Variants in PDE4D observed in about 807,000 individuals in gnomAD.
The protein encoded by PDE4D is 3',5'-cyclic-AMP phosphodiesterase 4D.
Under a neutral mutation model 87.4 loss-of-function variants are expected in PDE4D, and 24 were observed. The ratio of observed to expected loss-of-function variants is 0.27; its 90% CI spans 0.20 to 0.39. PDE4D has a LOEUF of 0.39. Among genes scored for constraint, PDE4D ranks in the 10% least tolerant of loss-of-function variants. PDE4D has a pLI of 1.00. For synonymous variants in PDE4D, 384 were observed against 383.2 expected (o/e 1.00, Z -0.02); for missense variants, 714 against 1,041.0 (o/e 0.69, Z 4.32).
At chr5:60,133,004 G>T (rs916564315) in intron 2 of PDE4D, among the ~76,000 whole-genome samples, 1 of 152,146 alleles carries the variant, frequency 6.6e-6, no homozygotes, top group African/African-American at 2.4e-5. Context: ...GTAGTCCATT[G>T]CCTCTCTCTT....
chr5:59,946,695 C>T (rs2963806), intron 3 of PDE4D, among the ~76,000 whole-genome samples: 5,707 of 152,164 alleles, frequency 0.038, 319 homozygotes, highest in East Asian at 0.13. Context: ...GTTTTCAGAC[C>T]CAGGCCTTCA....
At chr5:60,372,338 C>A (rs1307386401) in intron 1 of PDE4D, among the ~76,000 whole-genome samples, 2 of 152,210 alleles carry the variant, frequency 1.3e-5, no homozygotes, top group Non-Finnish European at 2.9e-5. Flanking sequence ...AGGAAAGAAG[C>A]AAGGGTCTGT....
intron 1 of PDE4D, among the ~76,000 whole-genome samples, chr5:59,291,745 T>TG (rs1289797009): frequency 3.4e-5 from 5 of 146,820 alleles, no homozygotes; most frequent in Non-Finnish European, 7.7e-5. Context: ...GAAGTTTTTT[T>TG]TTTTTTTTTT....
chr5:60,309,695 A>G (rs1754830865), intron 1 of PDE4D, among the ~76,000 whole-genome samples: 1 of 152,174 alleles, frequency 6.6e-6, no homozygotes, highest in Admixed American at 6.5e-5. Flanking sequence ...TCCTCACTGG[A>G]TCTACAGATG....
intron 1 of PDE4D, among the ~76,000 whole-genome samples, chr5:59,308,071 T>A (rs1262582503): frequency 6.6e-6 from 1 of 151,986 alleles, no homozygotes; most frequent in Non-Finnish European, 1.5e-5. Context: ...GGGACATGGA[T>A]GAAATTGGAA....
intron 2 of PDE4D, among the ~76,000 whole-genome samples, chr5:60,156,327 T>C (rs1781975649): frequency 6.6e-6 from 1 of 152,226 alleles, no homozygotes; most frequent in Non-Finnish European, 1.5e-5. Flanking sequence ...TATCTGGTTA[T>C]TAAATCCAAG....
At chr5:59,292,477 T>C (rs1477958884) in intron 1 of PDE4D, among the ~76,000 whole-genome samples, 1 of 152,056 alleles carries the variant, frequency 6.6e-6, no homozygotes, top group Non-Finnish European at 1.5e-5. Flanking sequence ...CTGGGAAGGG[T>C]CTTTATAATT....
At position 60,441,827 on chromosome 5, in the gene PDE4D, C is replaced by T. The variant is rs140867277; in HGVS notation, c.-90+46115G>A. On this transcript the variant is annotated intron_variant, in intron 1 of 16. Coordinates refer to the PDE4D transcript ENST00000502484. ...AGAAGACATTTATGCCCCCTGCAAA[C>T]GTATGAAAAAAAAGCTCATCATCAC... is the stretch of plus-strand genomic sequence containing the variant. 4.9e-4 allele frequency among the ~76,000 whole-genome samples: 75 copies of T among 151,998 alleles called. No homozygotes were observed. In the East Asian group the frequency reaches 0.012, roughly 24 times the overall value.
chr5:60,162,619 G>T (rs1370522301), intron 2 of PDE4D, among the ~76,000 whole-genome samples: 1 of 152,108 alleles, frequency 6.6e-6, no homozygotes, highest in Non-Finnish European at 1.5e-5. Context: ...TGGGGAGCTT[G>T]TTTAACTGTG....
intron 2 of PDE4D, among the ~76,000 whole-genome samples, chr5:60,044,935 G>A (rs892361379): frequency 7.9e-5 from 12 of 152,062 alleles, no homozygotes; most frequent in Non-Finnish European, 1.6e-4. Context: ...CTGAGGAATC[G>A]CCACACTGAC....
At chr5:58,983,601 G>A (rs1486081892) in intron 11 of PDE4D, among the ~76,000 whole-genome samples, 8 of 151,982 alleles carry the variant, frequency 5.3e-5, no homozygotes, top group Non-Finnish European at 1.2e-4. Flanking sequence ...GATGATGGCA[G>A]GGTCTTGCTC....
chr5:59,792,951 A>G (rs1029819645), intron 1 of PDE4D, among the ~76,000 whole-genome samples: 1 of 152,332 alleles, frequency 6.6e-6, no homozygotes, highest in Admixed American at 6.5e-5. Context: ...GGCAGAAAGA[A>G]TGATCATGAC....
chr5:59,510,967 T>G (rs1810189933), intron 1 of PDE4D, among the ~76,000 whole-genome samples: 1 of 151,942 alleles, frequency 6.6e-6, no homozygotes. Context: ...AAAATAGAAT[T>G]TGACTCATTT....
chr5:59,244,526 GTCTC>G (rs370073389), intron 1 of PDE4D, among the ~76,000 whole-genome samples: 10 of 149,314 alleles, frequency 6.7e-5, no homozygotes, highest in South Asian at 2.1e-4. Flanking sequence ...TATCAGGTAG[GTCTC>G]TCTCTCTATA....
intron 1 of PDE4D, among the ~76,000 whole-genome samples, chr5:60,333,895 T>C (rs765555333): frequency 6.7e-6 from 1 of 149,924 alleles, no homozygotes; most frequent in Non-Finnish European, 1.5e-5. Flanking sequence ...AGAGAAAAAA[T>C]ACGGAAATAC....
chr5:60,163,836 T>C (rs1313456558), intron 2 of PDE4D, among the ~76,000 whole-genome samples: 1 of 152,162 alleles, frequency 6.6e-6, no homozygotes, highest in Non-Finnish European at 1.5e-5. Flanking sequence ...AATATTGGCT[T>C]TGAATACAAA....
At chr5:60,128,714 T>C (rs1475947465) in intron 2 of PDE4D, among the ~76,000 whole-genome samples, 3 of 152,216 alleles carry the variant, frequency 2.0e-5, no homozygotes, top group Non-Finnish European at 4.4e-5. Flanking sequence ...CTCTAACTGA[T>C]ACACTGAAGC....
chr5:60,415,535 G>A (rs1742431818), intron 1 of PDE4D, among the ~76,000 whole-genome samples: 3 of 152,228 alleles, frequency 2.0e-5, no homozygotes, highest in African/African-American at 7.2e-5. Context: ...TGGGCTTGGT[G>A]GGCCCGCACT....
intron 1 of PDE4D, among the ~76,000 whole-genome samples, chr5:59,736,540 A>G (rs1758092736): frequency 6.6e-6 from 1 of 152,000 alleles, no homozygotes; most frequent in Non-Finnish European, 1.5e-5. Flanking sequence ...CTAGCCGGGC[A>G]TGGTGGTGCA....
Sources: gnomAD v4.1 joint callset for allele counts (sites outside exome capture counted in the v4.1 genomes callset) on GRCh38, gnomAD v4.1.1 for gene constraint, MANE v1.5 for transcripts, NCBI Gene and HGNC (gene_info 2026-07-23, HGNC 2026-07-21) for gene names.